The following LIMK2 variants were observed in gnomAD, a reference collection of about 807,000 sequenced individuals.
LIMK2 encodes the protein LIM domain kinase 2.
Under a neutral mutation model 75.7 loss-of-function variants are expected in LIMK2, and 35 were observed. That is an observed-to-expected ratio of 0.46 (90% CI 0.35 to 0.61). The LOEUF (loss-of-function observed/expected upper bound fraction) is 0.61, where lower values mean the gene tolerates loss of function less well. LIMK2 is among the 20% of genes least tolerant of loss of function. The probability of loss-of-function intolerance (pLI) is 0.00; values close to 1 mark genes in which losing one functional copy is unlikely to be tolerated. For synonymous variants in LIMK2, 301 were observed against 319.2 expected (o/e 0.94, Z 0.61); for missense variants, 623 against 831.0 (o/e 0.75, Z 3.08).
intron 15 of LIMK2, among the ~76,000 whole-genome samples, chr22:31,276,455 G>GCGA (rs2049017112): frequency 6.7e-6 from 1 of 149,970 alleles, no homozygotes; most frequent in South Asian, 2.1e-4. Flanking sequence ...AAGCGCTTCG[G>GCGA]CGGCGGCAGC....
In LIMK2 at chr22:31,239,177, T is replaced by C. The variant is rs145073406; in HGVS notation, c.116+13358T>C. On this transcript the variant is annotated intron_variant, in intron 2 of 15. Transcript: ENST00000331728. ...CATATACACGGCCAACTGTAGACTTTAGGCATTTATACCCATTCAGAGAGC... is the reference window on the plus strand; with the variant it reads ...CATATACACGGCCAACTGTAGACTTCAGGCATTTATACCCATTCAGAGAGC... Among the ~76,000 whole-genome samples the C allele has an allele frequency of 2.0e-3, 298 of 152,374 alleles. 1 individual carries two copies. The highest frequency in any genetic ancestry group is 6.7e-3 in the African/African-American group (280 of 41,588).
At position 31,278,664 on chromosome 22, in the gene LIMK2, A is replaced by C; in HGVS notation, c.*223A>C. The C allele has an allele frequency of 2.5e-6, 1 of 405,578 alleles. No homozygotes were observed. The highest frequency in any genetic ancestry group is 4.4e-6 in the Non-Finnish European group (1 of 228,968). 25.1% of individuals were successfully genotyped at this position (405,578 alleles called of 1,614,324 possible). On this transcript the variant is annotated 3_prime_UTR_variant, in exon 16 of 16. Coordinates refer to ENST00000331728, the MANE Select transcript of LIMK2 (RefSeq NM_005569.4). ...CCTAGTTACTGTCTGTAAATCCAAT[A>C]CTTGCCTGAAAGCTGTGAAGAAGAA...
chr22:31,275,278 C>T lies in LIMK2; in HGVS notation c.1742C>T (p.Ala581Val). The change falls in exon 15 of 16, where the codon GCC (alanine) becomes GTC (valine). Residue 581 changes from alanine (A) to valine (V), a missense_variant. Ala to Val is a moderately conservative substitution (Grantham distance 64, BLOSUM62 0). Transcript: ENST00000331728. ...CCCCCGGCCTTCTTCCCGCTGGCCG[C>T]CATCTGCTGCAGACTGGAGCCTGAG... ...DCPPAFFPLA[A>V]ICCRLEPESR... 1 of 1,614,174 alleles carries T rather than the reference C, an allele frequency of 6.2e-7. No homozygotes were observed. Among genetic ancestry groups the T allele is most frequent in the East Asian group, 2.2e-5 (1 of 44,884 alleles).
In LIMK2 at chr22:31,248,789, C is replaced by T. The variant is rs765109114; in HGVS notation, c.117-9502C>T. 9 of 1,613,286 alleles carry T rather than the reference C, an allele frequency of 5.6e-6. No individual in the cohort carries two copies. The South Asian group carries it at 9.9e-5, about 18-fold the overall frequency. On this transcript the variant is annotated intron_variant, in intron 2 of 15. Transcript: ENST00000331728. ...GTTTCGGTGAGTTGGTCTCCGAGTT[C>T]CCCTCTCCATCTCTCCTGGCCCCTG...
chr22:31,246,821 A>C (rs990644895), intron 2 of LIMK2, among the ~76,000 whole-genome samples: 3 of 152,046 alleles, frequency 2.0e-5, no homozygotes, highest in Non-Finnish European at 4.4e-5. Flanking sequence ...TCTTGAGAAT[A>C]GTGACATAAC....
chr22:31,267,663 G>T, intron 9 of LIMK2, 113 bp from the exon 10 acceptor site: 1 of 1,141,228 alleles, frequency 8.8e-7, no homozygotes, highest in Non-Finnish European at 1.2e-6. Flanking sequence ...TCACAAGATA[G>T]GAGGTAGGAG....
intron 2 of LIMK2, among the ~76,000 whole-genome samples, chr22:31,252,619 C>G (rs537177103): frequency 6.6e-6 from 1 of 150,796 alleles, no homozygotes; most frequent in Non-Finnish European, 1.5e-5. Context: ...TTTTCACTTA[C>G]AGAAATCTGT....
intron 15 of LIMK2, chr22:31,277,310 T>G: frequency 2.1e-6 from 3 of 1,446,038 alleles, no homozygotes; most frequent in Non-Finnish European, 2.7e-6. Context: ...TTTCCACTTT[T>G]GGATTTTTTT....
At chr22:31,267,363 G>A (rs571934500) in intron 9 of LIMK2, among the ~76,000 whole-genome samples, 13 of 152,302 alleles carry the variant, frequency 8.5e-5, no homozygotes, top group Admixed American at 4.6e-4. Context: ...CTCCAATTTA[G>A]TACAACTCAA....
chr22:31,243,611 C>T lies in LIMK2; in HGVS notation c.117-14680C>T, dbSNP rs117430703. ...TTCTAAGGAGTCAGTTTGTTCAGCTCCGTGCCAGGTTTCCAACTTATGAAA... is the reference window on the plus strand; with the variant it reads ...TTCTAAGGAGTCAGTTTGTTCAGCTTCGTGCCAGGTTTCCAACTTATGAAA... On this transcript the variant is annotated intron_variant, in intron 2 of 15. Transcript: ENST00000331728. 7.3e-3 allele frequency among the ~76,000 whole-genome samples: 1,112 copies of T among 152,292 alleles called. 14 individuals carry two copies. Among genetic ancestry groups the T allele is most frequent in the Non-Finnish European group, 7.4e-3 (503 of 68,012 alleles).
chr22:31,259,029 A>G (rs1354532138), intron 3 of LIMK2, 92 bp from the exon 4 acceptor site: 4 of 713,902 alleles, frequency 5.6e-6, no homozygotes, highest in Non-Finnish European at 1.0e-5. Context: ...CCTTGCTTGG[A>G]GGTCATTCAC....
At chr22:31,240,470 C>G (rs1277570399) in intron 2 of LIMK2, among the ~76,000 whole-genome samples, 1 of 150,158 alleles carries the variant, frequency 6.7e-6, no homozygotes, top group African/African-American at 2.5e-5. Context: ...TGTCGCCAGG[C>G]TGGAGTGCAG....
At chr22:31,259,866 T>C (rs1568996703) in intron 4 of LIMK2, 23 bp from the exon 5 acceptor site, 1 of 1,584,202 alleles carries the variant, frequency 6.3e-7, no homozygotes, top group Non-Finnish European at 8.5e-7. Flanking sequence ...AGCATCTTAT[T>C]CCCCCCTGTG....
rs2048845668 is a variant in LIMK2 at position 31,262,062 on chromosome 22, C to T, written c.552-72C>T. 1.6e-6 allele frequency: 2 copies of T among 1,273,896 alleles called. No individual in the cohort carries two copies. Among genetic ancestry groups the T allele is most frequent in the Non-Finnish European group, 2.3e-6 (2 of 872,338 alleles). The allele number at this position is 1,273,896 out of a possible 1,614,324, so 78.9% of individuals were successfully genotyped here. On this transcript the variant is annotated intron_variant, in intron 5 of 15. Coordinates refer to ENST00000331728, the MANE Select transcript of LIMK2 (RefSeq NM_005569.4). This position sits in a 1 kb window ranked among gnomAD's most constrained non-coding sequence, Gnocchi z 5.0. ...GTGGCCTGGGACCTGGTAAACCTTC[C>T]CTGCACAAGCAGAATTGGTCAAGCA...
chr22:31,262,170 C>A lies in LIMK2; in HGVS notation c.588C>A (p.Asn196Lys), dbSNP rs5997927. 1.2e-6 allele frequency: 2 copies of A among 1,614,208 alleles called. No homozygotes were observed. The highest frequency in any genetic ancestry group is 3.3e-4 in the Middle Eastern group (2 of 6,062). ...NRMHISPNNR[N>K]AIHPGDRILE... ...TGCACATCAGTCCCAACAATCGAAA[C>A]GCCATCCACCCTGGGGACCGCATCC... Residue 196 changes from asparagine (N) to lysine (K), a missense_variant, in exon 6 of 16, where the codon AAC becomes AAA. Transcript: ENST00000331728. The surrounding 1 kb of genome is among the most constrained non-coding windows in gnomAD (Gnocchi z 5.0).
Position 31,262,818 on chromosome 22 carries a change from C to T in LIMK2, c.854+27C>T. ...TGCCACCTCCCACCCTGGCTCTGTT[C>T]TGTCCTATGTCTGTCTCTCGGATGA... On this transcript the variant is annotated intron_variant, in intron 7 of 15. Coordinates refer to ENST00000331728, the MANE Select transcript of LIMK2 (RefSeq NM_005569.4). This position sits in a 1 kb window ranked among gnomAD's most constrained non-coding sequence, Gnocchi z 5.0. 6.5e-7 allele frequency: 1 copy of T among 1,538,536 alleles called. No homozygotes were observed. The highest frequency in any genetic ancestry group is 8.8e-7 in the Non-Finnish European group (1 of 1,136,624).
chr22:31,232,275 G>C (rs1414334000), intron 2 of LIMK2, among the ~76,000 whole-genome samples: 1 of 148,532 alleles, frequency 6.7e-6, no homozygotes, highest in Non-Finnish European at 1.5e-5. Context: ...AAAAACAGTA[G>C]ACTTGGAGAC....
rs566486930 is a variant in LIMK2, at chr22:31,274,569, T to A, written c.1615-582T>A. ...GTGTGCGCCACCACGCCTGGCTAAT[T>A]TTTGTATTTTCAGTAGAGACAGGGT... On this transcript the variant is annotated intron_variant, in intron 14 of 15. Transcript: ENST00000331728. Among the ~76,000 whole-genome samples the A allele has an allele frequency of 3.2e-4, 49 of 151,982 alleles. No individual in the cohort carries two copies. In the South Asian group the frequency reaches 9.6e-3, roughly 30 times the overall value.
intron 7 of LIMK2, among the ~76,000 whole-genome samples, 191 bp from the exon 8 acceptor site, chr22:31,265,755 T>C (rs1290423489): frequency 1.3e-5 from 2 of 152,204 alleles, no homozygotes; most frequent in African/African-American, 4.8e-5. Context: ...GTTTTTACTA[T>C]GCTTAAATAA....
Sources: gnomAD v4.1 joint callset for allele counts (sites outside exome capture counted in the v4.1 genomes callset) on GRCh38, gnomAD v4.1.1 for gene constraint, Gnocchi (gnomAD v3.1) non-coding constraint, MANE v1.5 for transcripts, NCBI Gene and HGNC (gene_info 2026-07-23, HGNC 2026-07-21) for gene names.